Variants in EVI5 observed in about 807,000 individuals in gnomAD.
EVI5 encodes the protein ecotropic viral integration site 5 protein homolog.
EVI5 carries 73 observed loss-of-function variants against 112.0 expected under a neutral mutation model. That is an observed-to-expected ratio of 0.65 (90% CI 0.54 to 0.79). The LOEUF is 0.79. EVI5 is among the 30% of genes least tolerant of loss of function. The pLI, the probability that EVI5 is intolerant of heterozygous loss-of-function variation, is 0.00. For missense variants in EVI5, 900 were observed against 968.8 expected, an observed-to-expected ratio of 0.93 and a Z score of 0.94; for synonymous variants, 305 against 319.9, an observed-to-expected ratio of 0.95 and a Z score of 0.50.
intron 10 of EVI5, among the ~76,000 whole-genome samples, chr1:92,667,911 G>A (rs1003684133): frequency 5.9e-5 from 9 of 152,056 alleles, no homozygotes; most frequent in African/African-American, 2.2e-4. Context: ...CTCTGTGCCC[G>A]GCCTCAAGGT....
chr1:92,784,452 C>T, intron 1 of EVI5: 1 of 985,000 alleles, frequency 1.0e-6, no homozygotes, highest in South Asian at 4.7e-5. Context: ...AGTGCTCTCG[C>T]CCCTCAGGTC....
At chr1:92,776,781 G>A (rs1246049795) in intron 1 of EVI5, among the ~76,000 whole-genome samples, 3 of 150,606 alleles carry the variant, frequency 2.0e-5, no homozygotes, top group Middle Eastern at 3.5e-3. Context: ...GACTACAGGT[G>A]CACACCACCA....
intron 16 of EVI5, among the ~76,000 whole-genome samples, chr1:92,616,670 G>C (rs1012515242): frequency 2.0e-5 from 3 of 152,184 alleles, no homozygotes; most frequent in African/African-American, 7.2e-5. Flanking sequence ...AGACCTCTAG[G>C]ATTTTGGAGC....
chr1:92,591,180 C>T (rs1489785782), intron 18 of EVI5, among the ~76,000 whole-genome samples: 1 of 152,200 alleles, frequency 6.6e-6, no homozygotes, highest in Non-Finnish European at 1.5e-5. Flanking sequence ...TAAAGACCAT[C>T]AAGGCTAGGA....
intron 19 of EVI5, among the ~76,000 whole-genome samples, chr1:92,521,921 A>G (rs1661000325): frequency 6.6e-6 from 1 of 152,208 alleles, no homozygotes; most frequent in South Asian, 2.1e-4. Context: ...GCAATTCTAC[A>G]ACCCACAATC....
At chr1:92,721,686 T>G (rs1312270330) in intron 2 of EVI5, among the ~76,000 whole-genome samples, 2 of 152,022 alleles carry the variant, frequency 1.3e-5, no homozygotes, top group Non-Finnish European at 2.9e-5. Flanking sequence ...CAATAATTTT[T>G]TTTAAAACTC....
At chr1:92,695,666 C>T (rs1670208857) in intron 6 of EVI5, among the ~76,000 whole-genome samples, 1 of 151,960 alleles carries the variant, frequency 6.6e-6, no homozygotes, top group African/African-American at 2.4e-5. Flanking sequence ...TTGAGTATAA[C>T]ATTTAATTTA....
At chr1:92,528,645 G>T (rs1264413126) in intron 19 of EVI5, among the ~76,000 whole-genome samples, 2 of 152,212 alleles carry the variant, frequency 1.3e-5, no homozygotes, top group Non-Finnish European at 2.9e-5. Flanking sequence ...ACTGCTGCAT[G>T]GAACTACGTG....
chr1:92,558,226 G>C (rs1017642145), intron 19 of EVI5, among the ~76,000 whole-genome samples: 9 of 152,146 alleles, frequency 5.9e-5, no homozygotes, highest in African/African-American at 2.2e-4. Context: ...AAGGTTGGGA[G>C]AACTTCAGAA....
At chr1:92,735,787 A>C (rs1677313627) in intron 2 of EVI5, among the ~76,000 whole-genome samples, 1 of 144,210 alleles carries the variant, frequency 6.9e-6, no homozygotes, top group African/African-American at 2.5e-5. Flanking sequence ...AACATATTAT[A>C]AAGTATATTA....
intron 19 of EVI5, among the ~76,000 whole-genome samples, chr1:92,517,037 C>G (rs1414217937): frequency 6.6e-6 from 1 of 152,106 alleles, no homozygotes; most frequent in East Asian, 1.9e-4. Context: ...GATTTTGAAT[C>G]CTTTTGAAAA....
rs1558173909 is a variant in EVI5, at chr1:92,736,525, G to C, written c.22C>G (p.Pro8Ala). The C allele has an allele frequency of 6.2e-7, 1 of 1,613,780 alleles. No homozygotes were observed. The change falls in exon 2 of 20, where the codon CCA (proline) becomes GCA (alanine). Residue 8 changes from proline (P) to alanine (A), a missense_variant. Physicochemically the swap from Pro to Ala is conservative, Grantham distance 27. Transcript: ENST00000684568. Reference protein sequence around the residue: MASQVASPSTSLHTTSSS... With the variant: MASQVASASTSLHTTSSS... ...GATGTGGTATGTAATGAAGTAGATG[G>C]ACTTGCCACCTGACTGGCCATCTGA...
intron 13 of EVI5, among the ~76,000 whole-genome samples, chr1:92,639,298 G>A (rs977939058): frequency 6.6e-6 from 1 of 151,814 alleles, no homozygotes; most frequent in Non-Finnish European, 1.5e-5. Context: ...AATCCTTTTT[G>A]CTTGTGTCTT....
At chr1:92,566,262 T>G (rs924395589) in intron 18 of EVI5, among the ~76,000 whole-genome samples, 2 of 152,222 alleles carry the variant, frequency 1.3e-5, no homozygotes, top group African/African-American at 4.8e-5. Flanking sequence ...CAACTACAGC[T>G]TCTATAGACT....
At chr1:92,564,343 C>T (rs763791422) in intron 18 of EVI5, among the ~76,000 whole-genome samples, 4 of 151,872 alleles carry the variant, frequency 2.6e-5, no homozygotes, top group Non-Finnish European at 5.9e-5. Context: ...CTATTCATAC[C>T]GTAAGGGATT....
At chr1:92,698,090 G>A in intron 5 of EVI5, 105 bp from the exon 6 acceptor site, 2 of 999,962 alleles carry the variant, frequency 2.0e-6, no homozygotes, top group Non-Finnish European at 3.0e-6. Flanking sequence ...CATTGTTTGA[G>A]TGGCTGTGTG....
intron 18 of EVI5, among the ~76,000 whole-genome samples, chr1:92,566,803 CTTT>C (rs57042163): frequency 3.1e-5 from 3 of 97,878 alleles, no homozygotes; most frequent in Non-Finnish European, 4.1e-5. Context: ...TGTGTGCCTG[CTTT>C]TTTTTTTTTT....
Position 92,665,928 on chromosome 1 carries a change from C to T in EVI5, c.1212+11G>A. ...TTCAACAGAAGCTTGCATAAGTAGT[C>T]ACTTACTTACTTTTTCTAATGTCTC... On this transcript the variant is annotated intron_variant, in intron 11 of 19. Coordinates refer to ENST00000684568, the MANE Select transcript of EVI5 (RefSeq NM_001350197.2). 1 of 1,569,610 alleles carries T rather than the reference C, an allele frequency of 6.4e-7. No individual in the cohort carries two copies. The highest frequency in any genetic ancestry group is 8.7e-7 in the Non-Finnish European group (1 of 1,149,148).
intron 9 of EVI5, among the ~76,000 whole-genome samples, chr1:92,690,296 T>A (rs971108324): frequency 2.0e-5 from 3 of 151,600 alleles, no homozygotes; most frequent in African/African-American, 7.3e-5. Flanking sequence ...TTTAAAATCA[T>A]GCTTTTGTTA....
Sources: gnomAD v4.1 joint callset for allele counts (sites outside exome capture counted in the v4.1 genomes callset) on GRCh38, gnomAD v4.1.1 for gene constraint, MANE v1.5 for transcripts, NCBI Gene and HGNC (gene_info 2026-07-23, HGNC 2026-07-21) for gene names.